GABRG3: variants seen among roughly 807,000 people sequenced by gnomAD.
GABRG3 encodes gamma-aminobutyric acid receptor subunit gamma-3.
GABRG3 carries 25 observed loss-of-function variants against 48.8 expected under a neutral mutation model. The ratio of observed to expected loss-of-function variants is 0.51; its 90% confidence interval spans 0.37 to 0.72. GABRG3 has a LOEUF of 0.72. GABRG3 is among the 30% of genes least tolerant of loss of function. The probability of loss-of-function intolerance (pLI) is 0.00; values close to 1 mark genes in which losing one functional copy is unlikely to be tolerated. For missense variants in GABRG3, 394 were observed against 577.9 expected (o/e 0.68, Z 3.26); for synonymous variants, 227 against 217.6 (o/e 1.04, Z -0.38).
intron 3 of GABRG3, among the ~76,000 whole-genome samples, chr15:27,281,220 C>T (rs922159941): frequency 1.3e-5 from 2 of 152,104 alleles, no homozygotes; most frequent in Non-Finnish European, 2.9e-5. Flanking sequence ...TTCTTGTAGA[C>T]ATCATGCTTT....
chr15:26,973,626 A>T (rs1349117864), intron 1 of GABRG3, among the ~76,000 whole-genome samples: 2 of 152,324 alleles, frequency 1.3e-5, no homozygotes, highest in East Asian at 3.9e-4. Context: ...GCAGCTCCCC[A>T]GAAGGGGGGA....
chr15:27,237,152 G>C (rs1356164443), intron 3 of GABRG3, among the ~76,000 whole-genome samples: 2 of 152,214 alleles, frequency 1.3e-5, no homozygotes, highest in African/African-American at 4.8e-5. Context: ...GGCTGTGAGG[G>C]TGAGAGCCTC....
chr15:27,036,807 G>A (rs1444320929), intron 3 of GABRG3, among the ~76,000 whole-genome samples: 1 of 152,166 alleles, frequency 6.6e-6, no homozygotes, highest in African/African-American at 2.4e-5. Context: ...TCTTGTTGAT[G>A]GAGCCTTTCA....
At chr15:27,480,864 T>C (rs770536915) in intron 6 of GABRG3, 77 bp downstream of exon 6, 1 of 1,539,464 alleles carries the variant, frequency 6.5e-7, no homozygotes, top group Non-Finnish European at 8.7e-7. Context: ...ATCCTTAATG[T>C]ACAAGCCTTT....
chr15:27,390,284 A>C (rs1896180849), intron 5 of GABRG3, among the ~76,000 whole-genome samples: 1 of 152,244 alleles, frequency 6.6e-6, no homozygotes, highest in Non-Finnish European at 1.5e-5. Flanking sequence ...GTAGAAATTA[A>C]ATTTGACTTC....
At position 27,290,508 on chromosome 15, in the gene GABRG3, A is replaced by C. The variant is rs11853314; in HGVS notation, c.271-36301A>C. Among the ~76,000 whole-genome samples the C allele has an allele frequency of 6.7e-3, 1,024 of 152,240 alleles. 13 individuals are homozygous for C. The highest frequency in any genetic ancestry group is 0.024 in the African/African-American group (984 of 41,528). ...TCAGCAGGGCTAAATCATGGTGACC[A>C]CTTGTACTCTTGCTATGATACGATG... On this transcript the variant is annotated intron_variant, in intron 3 of 9. Coordinates refer to ENST00000615808, the MANE Select transcript of GABRG3 (RefSeq NM_033223.5).
At position 27,179,460 on chromosome 15, in the gene GABRG3, C is replaced by T. The variant is rs536237024; in HGVS notation, c.271-147349C>T. ...TTTACCTTGTTTGCATAAAATCTTC[C>T]CCTGATTTTTGTGATACAATTTCGC... is the stretch of plus-strand genomic sequence containing the variant. On this transcript the variant is annotated intron_variant, in intron 3 of 9. Transcript: ENST00000615808. The surrounding 1 kb of genome is among the most constrained non-coding windows in gnomAD (Gnocchi z 4.0). 6.6e-6 allele frequency among the ~76,000 whole-genome samples: 1 copy of T among 152,188 alleles called. No individual in the cohort carries two copies. Among genetic ancestry groups the T allele is most frequent in the Admixed American group, 6.5e-5 (1 of 15,290 alleles).
intron 5 of GABRG3, among the ~76,000 whole-genome samples, chr15:27,357,788 G>T (rs773426674): frequency 9.9e-5 from 15 of 152,182 alleles, no homozygotes; most frequent in South Asian, 2.1e-4. Context: ...AGATAATGAT[G>T]CATACTCTTC....
chr15:27,498,416 T>G (rs73369538), intron 6 of GABRG3, among the ~76,000 whole-genome samples: 10,786 of 152,262 alleles, frequency 0.071, 1,311 homozygotes, highest in African/African-American at 0.25. Context: ...CTGCATAACA[T>G]TTTCTCCTTT....
chr15:27,002,341 C>T (rs1309864657), intron 2 of GABRG3, among the ~76,000 whole-genome samples: 2 of 152,180 alleles, frequency 1.3e-5, no homozygotes, highest in African/African-American at 2.4e-5. Context: ...ACTTTCCTGG[C>T]AGCAAGCTAT....
chr15:27,047,655 T>A (rs1896387220), intron 3 of GABRG3, among the ~76,000 whole-genome samples: 1 of 152,226 alleles, frequency 6.6e-6, no homozygotes, highest in Non-Finnish European at 1.5e-5. Context: ...GCAAGCCTCC[T>A]TATAAAACAG....
intron 5 of GABRG3, among the ~76,000 whole-genome samples, chr15:27,387,881 GGGGAAGGA>G (rs1566817195): frequency 4.0e-5 from 2 of 49,872 alleles, no homozygotes; most frequent in Non-Finnish European, 8.5e-5. Flanking sequence ...GAGGGAGGGA[GGGGAAGGA>G]GGGAAGGAAG....
At chr15:27,152,788 A>G (rs1034251535) in intron 3 of GABRG3, among the ~76,000 whole-genome samples, 2 of 152,138 alleles carry the variant, frequency 1.3e-5, no homozygotes, top group East Asian at 3.9e-4. Flanking sequence ...ATTATTTGAC[A>G]CCAGTGGAGC....
intron 2 of GABRG3, among the ~76,000 whole-genome samples, chr15:26,994,939 T>A (rs375564920): frequency 9.3e-4 from 142 of 152,216 alleles, no homozygotes; most frequent in African/African-American, 3.4e-3. Flanking sequence ...CTGCTGTTAT[T>A]GGATGGAGTG....
At chr15:27,042,321 C>T (rs752412470) in intron 3 of GABRG3, among the ~76,000 whole-genome samples, 8 of 152,326 alleles carry the variant, frequency 5.3e-5, no homozygotes, top group South Asian at 2.1e-4. Context: ...TGCGAGTGGG[C>T]GGAGGGAGCT....
chr15:27,388,353 TAAGGAAGG>T (rs1243882500), intron 5 of GABRG3, among the ~76,000 whole-genome samples: 6 of 14,704 alleles, frequency 4.1e-4, no homozygotes, highest in African/African-American at 1.5e-3. Context: ...GGAGGGAGGG[TAAGGAAGG>T]AAGGAAGAAA....
At chr15:27,486,756 G>C (rs56273430) in intron 6 of GABRG3, among the ~76,000 whole-genome samples, 7,745 of 152,220 alleles carry the variant, frequency 0.051, 634 homozygotes, top group African/African-American at 0.18. Context: ...CACATGCCAA[G>C]TACATAATTG....
intron 5 of GABRG3, among the ~76,000 whole-genome samples, chr15:27,335,673 G>A (rs1893940176): frequency 6.6e-6 from 1 of 152,122 alleles, no homozygotes; most frequent in South Asian, 2.1e-4. Context: ...CAGGGAGTGG[G>A]GGGAGGAGAG....
intron 3 of GABRG3, among the ~76,000 whole-genome samples, chr15:27,073,273 G>A (rs184128619): frequency 2.6e-5 from 4 of 152,376 alleles, no homozygotes; most frequent in Admixed American, 2.0e-4. Flanking sequence ...CTGCCTGGAA[G>A]AGGAGGGGAC....
Sources: allele counts gnomAD v4.1 joint callset (sites outside exome capture counted in the v4.1 genomes callset), GRCh38; gene constraint gnomAD v4.1.1; non-coding constraint Gnocchi (gnomAD v3.1); transcripts MANE v1.5; gene names NCBI Gene and HGNC (gene_info 2026-07-23, HGNC 2026-07-21).